The following SLC2A9 variants were observed in gnomAD, a reference collection of about 807,000 sequenced individuals.
The protein encoded by SLC2A9 is solute carrier family 2 member 9.
A neutral mutation model predicts 50.6 loss-of-function variants in SLC2A9; 39 were observed. That is an observed-to-expected ratio of 0.77 (90% CI 0.60 to 1.01). The LOEUF (loss-of-function observed/expected upper bound fraction) is 1.01. SLC2A9 is among the 50% of genes least tolerant of loss of function. The pLI, the probability that SLC2A9 is intolerant of heterozygous loss-of-function variation, is 0.00. For missense variants in SLC2A9, 686 were observed against 677.6 expected, an observed-to-expected ratio of 1.01 and a Z score of -0.14; for synonymous variants, 324 against 276.9, an observed-to-expected ratio of 1.17 and a Z score of -1.69.
At chr4:10,002,151 G>A (rs1759947142) in intron 2 of SLC2A9, among the ~76,000 whole-genome samples, 1 of 152,242 alleles carries the variant, frequency 6.6e-6, no homozygotes, top group Non-Finnish European at 1.5e-5. Context: ...GGAGCCCATA[G>A]GACCAGCTCT....
intron 7 of SLC2A9, among the ~76,000 whole-genome samples, chr4:9,911,302 T>TCA (rs1323127659): frequency 6.6e-6 from 1 of 151,958 alleles, no homozygotes; most frequent in Non-Finnish European, 1.5e-5. Flanking sequence ...GACCTGTACA[T>TCA]CACACACACT....
In SLC2A9 at chr4:9,976,225, C is replaced by T. The variant is rs79252784; in HGVS notation, c.681+4367G>A. Among the ~76,000 whole-genome samples, 1,353 of 152,272 alleles carry T rather than the reference C, an allele frequency of 8.9e-3. 24 individuals are homozygous for T. The highest frequency in any genetic ancestry group is 0.03 in the African/African-American group (1,256 of 41,544). ...TCTCAATATACCCAGGAAATAAGTA[C>T]GCACACGTACCCTCTTAATTTAAAA... is the stretch of plus-strand genomic sequence containing the variant. On this transcript the variant is annotated intron_variant, in intron 5 of 11. Coordinates refer to ENST00000264784, the MANE Select transcript of SLC2A9 (RefSeq NM_020041.3).
At chr4:9,949,071 C>A (rs1182193563) in intron 5 of SLC2A9, among the ~76,000 whole-genome samples, 1 of 152,228 alleles carries the variant, frequency 6.6e-6, no homozygotes, top group Non-Finnish European at 1.5e-5. Context: ...TCTATCTACT[C>A]ATCCTTTACC....
chr4:9,835,798 C>G (rs1156945218), intron 10 of SLC2A9, among the ~76,000 whole-genome samples: 2 of 151,992 alleles, frequency 1.3e-5, no homozygotes, highest in Non-Finnish European at 2.9e-5. Context: ...AAGAATGATA[C>G]AACTGGGGCC....
chr4:10,014,235 G>C (rs775568630), intron 2 of SLC2A9, among the ~76,000 whole-genome samples: 6 of 152,144 alleles, frequency 3.9e-5, no homozygotes, highest in Non-Finnish European at 2.9e-5. Context: ...CGAGGTGATC[G>C]CTGGACGCTG....
chr4:10,038,565 C>G (rs13115776), intron 1 of SLC2A9, among the ~76,000 whole-genome samples: 78,926 of 147,922 alleles, frequency 0.53, 22,348 homozygotes, highest in East Asian at 0.89. Context: ...AGCCAGGCCA[C>G]GGAACAAAGT....
intron 10 of SLC2A9, among the ~76,000 whole-genome samples, chr4:9,840,601 T>C (rs906323721): frequency 6.6e-6 from 1 of 152,220 alleles, no homozygotes; most frequent in African/African-American, 2.4e-5. Flanking sequence ...TGTATTTTGG[T>C]ATTTAGCTTT....
At chr4:9,971,754 C>G (rs1560411905) in intron 5 of SLC2A9, among the ~76,000 whole-genome samples, 1 of 152,124 alleles carries the variant, frequency 6.6e-6, no homozygotes, top group African/African-American at 2.4e-5. Flanking sequence ...AAAATAAAAG[C>G]AAACCCCTGA....
At chr4:9,934,216 T>C (rs1169373478) in intron 6 of SLC2A9, among the ~76,000 whole-genome samples, 1 of 152,064 alleles carries the variant, frequency 6.6e-6, no homozygotes, top group Non-Finnish European at 1.5e-5. Flanking sequence ...CCCAATCAAA[T>C]CCCCTCTTTG....
intron 1 of SLC2A9, among the ~76,000 whole-genome samples, chr4:10,038,088 T>C (rs576332699): frequency 1.3e-5 from 2 of 152,058 alleles, no homozygotes; most frequent in African/African-American, 4.8e-5. Context: ...GTCTGGAAAA[T>C]GGTCCTGAGC....
chr4:9,905,672 T>A (rs1270981522), intron 8 of SLC2A9, among the ~76,000 whole-genome samples: 2 of 151,954 alleles, frequency 1.3e-5, no homozygotes, highest in Non-Finnish European at 1.5e-5. Flanking sequence ...GCTTCTGGAG[T>A]CTGGAATGAA....
chr4:9,953,186 G>A (rs1187244676), intron 5 of SLC2A9, among the ~76,000 whole-genome samples: 1 of 151,798 alleles, frequency 6.6e-6, no homozygotes, highest in African/African-American at 2.4e-5. Context: ...GGCAAGCTTA[G>A]CTTGTGCTGT....
chr4:9,776,039 C>T (rs190997921), downstream of SLC2A9, among the ~76,000 whole-genome samples: 156 of 152,196 alleles, frequency 1.0e-3, no homozygotes, highest in African/African-American at 3.6e-3. Context: ...TAATCTCGCT[C>T]CCTAGCCTCC....
intron 6 of SLC2A9, among the ~76,000 whole-genome samples, chr4:9,933,260 T>C (rs972878674): frequency 3.3e-5 from 5 of 152,140 alleles, no homozygotes; most frequent in Admixed American, 6.5e-5. Context: ...GCTTCAGAAA[T>C]TAGAAGTGAG....
chr4:9,916,297 A>C (rs6838986), intron 7 of SLC2A9, among the ~76,000 whole-genome samples: 7,964 of 152,270 alleles, frequency 0.052, 686 homozygotes, highest in African/African-American at 0.18. Context: ...AGACCCAGGC[A>C]GCAGTCCACC....
At chr4:9,821,758 A>T (rs1724432408), downstream of SLC2A9, among the ~76,000 whole-genome samples, 1 of 152,210 alleles carries the variant, frequency 6.6e-6, no homozygotes, top group Admixed American at 6.5e-5. Flanking sequence ...AGTTTCATAA[A>T]ATGAGTTAGG....
intron 8 of SLC2A9, among the ~76,000 whole-genome samples, chr4:9,892,189 C>G (rs1737600867): frequency 6.6e-6 from 1 of 152,206 alleles, no homozygotes; most frequent in Admixed American, 6.5e-5. Flanking sequence ...AGCTGCCTGT[C>G]CGAAGGGCAT....
At chr4:9,776,137 C>T (rs1052191784), downstream of SLC2A9, among the ~76,000 whole-genome samples, 9 of 151,724 alleles carry the variant, frequency 5.9e-5, no homozygotes, top group East Asian at 1.9e-4. Context: ...GACAGGAAGC[C>T]AAGACTGATG....
At chr4:9,925,528 C>T (rs1744740573) in intron 6 of SLC2A9, among the ~76,000 whole-genome samples, 1 of 152,166 alleles carries the variant, frequency 6.6e-6, no homozygotes, top group South Asian at 2.1e-4. Context: ...AGACTAGTTA[C>T]CTATTCTGCC....
Sources: gnomAD v4.1 joint callset for allele counts (sites outside exome capture counted in the v4.1 genomes callset) on GRCh38, gnomAD v4.1.1 for gene constraint, MANE v1.5 for transcripts, NCBI Gene and HGNC (gene_info 2026-07-23, HGNC 2026-07-21) for gene names.